Variants in RBFOX2 observed in about 807,000 individuals in gnomAD.
RBFOX2 encodes RNA binding protein fox-1 homolog 2.
Under a neutral mutation model 49.1 loss-of-function variants are expected in RBFOX2, and 10 were observed. The observed-to-expected ratio is 0.20, with a 90% CI of 0.13 to 0.35. The LOEUF is 0.35. Among genes scored for constraint, RBFOX2 ranks in the 10% least tolerant of loss-of-function variants. The pLI is 1.00. For synonymous variants in RBFOX2, 183 were observed against 187.4 expected (o/e 0.98, Z 0.19); for missense variants, 323 against 486.9 (o/e 0.66, Z 3.17).
At chr22:35,770,757 C>G (rs1942432444) in intron 4 of RBFOX2, among the ~76,000 whole-genome samples, 1 of 152,158 alleles carries the variant, frequency 6.6e-6, no homozygotes, top group African/African-American at 2.4e-5. Context: ...ATGATGAGCA[C>G]TGCAATTTCA....
chr22:35,898,478 T>C (rs962420900), intron 1 of RBFOX2: 11 of 378,302 alleles, frequency 2.9e-5, no homozygotes, highest in Admixed American at 2.3e-4. Flanking sequence ...CAGGCTGCAG[T>C]GCAGTGGCGT....
chr22:35,812,395 G>A (rs1027676740), intron 1 of RBFOX2, among the ~76,000 whole-genome samples: 1 of 151,994 alleles, frequency 6.6e-6, no homozygotes, highest in African/African-American at 2.4e-5. Flanking sequence ...TTATTTCTAG[G>A]TTAGGATAGT....
intron 7 of RBFOX2, 44 bp downstream of exon 8, chr22:35,761,371 T>C (rs763496766): frequency 1.9e-6 from 3 of 1,612,726 alleles, no homozygotes; most frequent in African/African-American, 1.3e-5. Flanking sequence ...GCAGATGCTA[T>C]TACAATTAAA....
At chr22:35,765,311 C>A in intron 6 of RBFOX2, 112 bp downstream of exon 7, 2 of 767,050 alleles carry the variant, frequency 2.6e-6, no homozygotes, top group East Asian at 3.0e-5. Context: ...GAGACTACTT[C>A]AACACAAATC....
At chr22:35,995,938 A>ATT (rs2058172027) in intron 1 of RBFOX2, 3 of 152,306 alleles carry the variant, frequency 2.0e-5, no homozygotes, top group Admixed American at 6.5e-5. Context: ...TTATGGAAAA[A>ATT]AGCCCAGCTG....
At chr22:35,992,383 A>G (rs1288875325) in intron 1 of RBFOX2, 2 of 152,212 alleles carry the variant, frequency 1.3e-5, no homozygotes, top group Non-Finnish European at 2.9e-5. Flanking sequence ...GATACAGAAG[A>G]TAACAGAATG....
upstream of RBFOX2, chr22:35,961,705 C>CT (rs2056225576): frequency 2.3e-6 from 3 of 1,299,426 alleles, no homozygotes; most frequent in African/African-American, 4.5e-5. Context: ...TCCCTATTGG[C>CT]TTCATGGAGC....
At chr22:35,902,480 T>C (rs1338821828) in intron 1 of RBFOX2, among the ~76,000 whole-genome samples, 1 of 152,130 alleles carries the variant, frequency 6.6e-6, no homozygotes, top group African/African-American at 2.4e-5. Context: ...CTTCACTATA[T>C]ATTCATGATC....
intron 1 of RBFOX2, among the ~76,000 whole-genome samples, chr22:35,817,588 T>C (rs899608984): frequency 3.3e-5 from 5 of 152,274 alleles, no homozygotes; most frequent in Admixed American, 1.3e-4. Context: ...GGTTACCTTC[T>C]TATATGGAAC....
exon 12 of RBFOX2, chr22:35,744,088 T>G: frequency 2.3e-6 from 2 of 864,026 alleles, no homozygotes; most frequent in Non-Finnish European, 3.2e-6. Flanking sequence ...TTTTTTTTTG[T>G]TTGTTTGTTT....
At chr22:35,884,977 C>T (rs528628682) in intron 1 of RBFOX2, among the ~76,000 whole-genome samples, 55 of 152,220 alleles carry the variant, frequency 3.6e-4, no homozygotes, top group African/African-American at 1.2e-3. Context: ...TTATCTCTTC[C>T]AATCCCAACT....
chr22:35,932,465 G>A (rs981460235), intron 1 of RBFOX2, among the ~76,000 whole-genome samples: 1 of 152,190 alleles, frequency 6.6e-6, no homozygotes, highest in Non-Finnish European at 1.5e-5. Context: ...GTCAACTTAA[G>A]CATCTCCTTT....
At chr22:35,818,362 T>C (rs1953650249) in intron 1 of RBFOX2, among the ~76,000 whole-genome samples, 1 of 152,254 alleles carries the variant, frequency 6.6e-6, no homozygotes, top group Non-Finnish European at 1.5e-5. Context: ...TCTATTCCAA[T>C]GGATTTACAC....
chr22:35,875,278 G>A (rs1397883588), intron 1 of RBFOX2, among the ~76,000 whole-genome samples: 1 of 151,856 alleles, frequency 6.6e-6, no homozygotes, highest in African/African-American at 2.4e-5. Context: ...AGGGAGTGAG[G>A]TAATATTTAT....
At chr22:35,764,491 A>G (rs1164778833) in intron 6 of RBFOX2, among the ~76,000 whole-genome samples, 1 of 149,622 alleles carries the variant, frequency 6.7e-6, no homozygotes, top group East Asian at 2.1e-4. Flanking sequence ...GGCTGAGGGC[A>G]GGAGAATGGC....
intron 1 of RBFOX2, among the ~76,000 whole-genome samples, chr22:35,879,960 A>G (rs2045663675): frequency 6.6e-6 from 1 of 152,222 alleles, no homozygotes; most frequent in Non-Finnish European, 1.5e-5. Flanking sequence ...ATTCGAGACC[A>G]GCATGGCCAA....
chr22:35,971,778 C>A (rs901394868), intron 1 of RBFOX2, among the ~76,000 whole-genome samples: 4 of 151,986 alleles, frequency 2.6e-5, no homozygotes, highest in Non-Finnish European at 5.9e-5. Flanking sequence ...TGCAGAGCTG[C>A]ACAGGAAGTG....
upstream of RBFOX2, among the ~76,000 whole-genome samples, chr22:35,845,396 CAA>C (rs200009101): frequency 1.4e-4 from 18 of 128,454 alleles, no homozygotes; most frequent in Non-Finnish European, 1.7e-4. Context: ...ATTCACCATT[CAA>C]AAAAAAAAAA....
exon 3 of RBFOX2, chr22:35,781,613 C>T (rs1216883570): frequency 5.0e-6 from 8 of 1,613,902 alleles, no homozygotes; most frequent in Admixed American, 1.7e-5. Flanking sequence ...AAACATCTGC[C>T]GGAGGTCAGG....
Sources: gnomAD v4.1 joint callset for allele counts (sites outside exome capture counted in the v4.1 genomes callset) on GRCh38, gnomAD v4.1.1 for gene constraint, MANE v1.5 for transcripts, NCBI Gene and HGNC (gene_info 2026-07-23, HGNC 2026-07-21) for gene names.